CENPN: variants seen among roughly 807,000 people sequenced by gnomAD.
CENPN encodes centromere protein N, also known as interphase centromere complex protein 32.
CENPN carries 36 observed loss-of-function variants against 48.6 expected under a neutral mutation model. The ratio of observed to expected loss-of-function variants is 0.74; its 90% CI spans 0.57 to 0.98. The LOEUF is 0.98. CENPN is among the 50% of genes least tolerant of loss of function. The probability of loss-of-function intolerance (pLI) is 0.00; values close to 1 mark genes in which losing one functional copy is unlikely to be tolerated. For synonymous variants in CENPN, 166 were observed against 135.2 expected (o/e 1.23, Z -1.58); for missense variants, 439 against 399.2 (o/e 1.10, Z -0.85).
intron 8 of CENPN, among the ~76,000 whole-genome samples, 182 bp from the exon 9 acceptor site, chr16:81,026,344 C>A (rs1029302692): frequency 6.7e-6 from 1 of 150,106 alleles, no homozygotes; most frequent in African/African-American, 2.5e-5. Flanking sequence ...CTTTTATCAA[C>A]CTGTACTTCA....
At chr16:81,021,717 C>T (rs1970214712) in intron 6 of CENPN, among the ~76,000 whole-genome samples, 1 of 151,878 alleles carries the variant, frequency 6.6e-6, no homozygotes, top group Non-Finnish European at 1.5e-5. Context: ...GTGAGTACAC[C>T]TTGCCACAGG....
intron 1 of CENPN, 117 bp downstream of exon 1, chr16:81,007,394 G>A (rs1969465576): frequency 6.6e-6 from 1 of 152,326 alleles, no homozygotes; most frequent in African/African-American, 2.4e-5. Flanking sequence ...GTGAGGCGCA[G>A]GATTGGCGCT....
At chr16:81,008,212 T>C (rs1969547820) in intron 1 of CENPN, among the ~76,000 whole-genome samples, 3 of 152,314 alleles carry the variant, frequency 2.0e-5, no homozygotes, top group Admixed American at 2.0e-4. Flanking sequence ...CCAAATTTCT[T>C]TAGACTGGCG....
intron 5 of CENPN, among the ~76,000 whole-genome samples, chr16:81,018,090 C>A (rs917285531): frequency 1.3e-5 from 2 of 152,084 alleles, no homozygotes; most frequent in African/African-American, 4.8e-5. Context: ...GATGGAAATG[C>A]TCTGTATTGG....
rs984579610 is a variant in CENPN at position 81,030,158 on chromosome 16, G to A, written c.*1507G>A. 1 of 974,544 alleles carries A rather than the reference G, an allele frequency of 1.0e-6. No individual in the cohort carries two copies. The highest frequency in any genetic ancestry group is 4.8e-5 in the South Asian group (1 of 21,042). 60.4% of individuals were successfully genotyped at this position (974,544 alleles called of 1,614,324 possible). Reference sequence around the variant, plus strand: ...CTGGCCCTGCCCTTGTCACATGGGGGTTATTACAATTCAAGGTGACACTTG... The same window carrying A: ...CTGGCCCTGCCCTTGTCACATGGGGATTATTACAATTCAAGGTGACACTTG... On this transcript the variant is annotated 3_prime_UTR_variant, in exon 11 of 11. Transcript: ENST00000305850.
chr16:81,032,738 A>G (rs1283110571), downstream of CENPN: 6 of 1,570,124 alleles, frequency 3.8e-6, no homozygotes, highest in Non-Finnish European at 5.2e-6. Context: ...GGTTAATCAA[A>G]TGTATGTCTC....
At chr16:81,024,845 T>G (rs1288522867) in intron 8 of CENPN, 67 bp downstream of exon 8, 5 of 1,027,428 alleles carry the variant, frequency 4.9e-6, no homozygotes, top group Non-Finnish European at 7.4e-6. Flanking sequence ...TTCTTTCACT[T>G]GGTAAAACGT....
At position 81,028,856 on chromosome 16, in the gene CENPN, G is replaced by C; in HGVS notation, c.*205G>C. On this transcript the variant is annotated 3_prime_UTR_variant, in exon 11 of 11. Coordinates refer to ENST00000305850, the MANE Select transcript of CENPN (RefSeq NM_001100624.3). ...TCTCTCTGATATCCTGCTAACTGTAGCCGTTGTGGCATTTGAGATGACAGG... is the reference window on the plus strand; with the variant it reads ...TCTCTCTGATATCCTGCTAACTGTACCCGTTGTGGCATTTGAGATGACAGG... 1 of 1,327,268 alleles carries C rather than the reference G, an allele frequency of 7.5e-7. No homozygotes were observed. The highest frequency in any genetic ancestry group is 9.6e-7 in the Non-Finnish European group (1 of 1,043,094). 82.2% of individuals were successfully genotyped at this position (1,327,268 alleles called of 1,614,324 possible).
At chr16:81,019,876 CAA>C (rs59491925) in intron 5 of CENPN, among the ~76,000 whole-genome samples, 8 of 124,472 alleles carry the variant, frequency 6.4e-5, no homozygotes, top group Non-Finnish European at 5.1e-5. Flanking sequence ...GACCTAGTCT[CAA>C]AAAAAAAAAA....
intron 3 of CENPN, among the ~76,000 whole-genome samples, chr16:81,016,287 G>A (rs540848089): frequency 1.3e-5 from 2 of 152,274 alleles, no homozygotes; most frequent in African/African-American, 2.4e-5. Flanking sequence ...TTGAGCCCGC[G>A]AGTTCAAGTC....
In CENPN at chr16:81,029,777, G is replaced by A. The variant is rs1011854552; in HGVS notation, c.*1126G>A. The stretch of plus-strand genomic sequence containing the variant: ...TTTAGTAGAGACAGGGTTTCTCCAT[G>A]TTGCCCAGGCTGATCTCAAACTCCT... On this transcript the variant is annotated 3_prime_UTR_variant, in exon 11 of 11. Transcript: ENST00000305850. 2.0e-5 allele frequency among the ~76,000 whole-genome samples: 3 copies of A among 152,076 alleles called. No individual in the cohort carries two copies. The highest frequency in any genetic ancestry group is 2.1e-4 in the South Asian group (1 of 4,830).
chr16:81,019,599 C>G lies in CENPN; in HGVS notation c.355-501C>G, dbSNP rs374450377. Among the ~76,000 whole-genome samples the G allele has an allele frequency of 7.2e-5, 11 of 152,184 alleles. No homozygotes were observed. The East Asian group carries it at 1.5e-3, about 21-fold the overall frequency. ...ATGCTAAGAAGGCTTCATTATAAAA[C>G]AAGTATCTCATTTGTAAGGCTGCCT... is the stretch of plus-strand genomic sequence containing the variant. On this transcript the variant is annotated intron_variant, in intron 5 of 10. Transcript: ENST00000305850.
rs530412757 is a variant in CENPN, at chr16:81,028,939, G to C, written c.*288G>C. 2.8e-4 allele frequency: 305 copies of C among 1,086,698 alleles called. No homozygotes were observed. Among genetic ancestry groups the C allele is most frequent in the Non-Finnish European group, 3.0e-4 (268 of 895,906 alleles). 67.3% of individuals were successfully genotyped at this position (1,086,698 alleles called of 1,614,324 possible). A position where few individuals can be genotyped will look rare whatever the true frequency, so the allele number is the denominator to read the frequency against. On this transcript the variant is annotated 3_prime_UTR_variant, in exon 11 of 11. Coordinates refer to ENST00000305850, the MANE Select transcript of CENPN (RefSeq NM_001100624.3). ...GAGTGCCTGAATGCTCTGAAATCAAGCATATGGCACAGCGCTCAAGACTTT... is the reference window on the plus strand; with the variant it reads ...GAGTGCCTGAATGCTCTGAAATCAACCATATGGCACAGCGCTCAAGACTTT...
At position 81,022,904 on chromosome 16, in the gene CENPN, C is replaced by T. The variant is rs564079742; in HGVS notation, c.633+206C>T. The stretch of plus-strand genomic sequence containing the variant: ...TTTATAATTGTATTGTGTTTTATAC[C>T]ACTCATTAGTCACTGGAGTCTGTGT... On this transcript the variant is annotated intron_variant, in intron 7 of 10. Coordinates refer to ENST00000305850, the MANE Select transcript of CENPN (RefSeq NM_001100624.3). 9.4e-6 allele frequency: 15 copies of T among 1,593,066 alleles called. No individual in the cohort carries two copies. The South Asian group carries it at 1.6e-4, about 17-fold the overall frequency.
intron 1 of CENPN, among the ~76,000 whole-genome samples, chr16:81,010,750 T>C (rs1969704629): frequency 6.6e-6 from 1 of 152,212 alleles, no homozygotes; most frequent in Non-Finnish European, 1.5e-5. Context: ...AATAGTAACT[T>C]TGTCTTTTAG....
chr16:81,028,813 C>G lies in CENPN; in HGVS notation c.*162C>G. 7.1e-7 allele frequency: 1 copy of G among 1,403,504 alleles called. No homozygotes were observed. Among genetic ancestry groups the G allele is most frequent in the Admixed American group, 3.2e-5 (1 of 30,826 alleles). The allele number at this position is 1,403,504 out of a possible 1,614,324, so 86.9% of individuals were successfully genotyped here. A position where few individuals can be genotyped will look rare whatever the true frequency, so the allele number is the denominator to read the frequency against. On this transcript the variant is annotated 3_prime_UTR_variant, in exon 11 of 11. Coordinates refer to ENST00000305850, the MANE Select transcript of CENPN (RefSeq NM_001100624.3). ...ACATAATTGTTGGGACTGATTCATT[C>G]CTCCACGATATGCCTCCTCTCTCTG...
At chr16:81,015,186 C>A (rs1395295077) in intron 3 of CENPN, among the ~76,000 whole-genome samples, 1 of 152,258 alleles carries the variant, frequency 6.6e-6, no homozygotes, top group Non-Finnish European at 1.5e-5. Context: ...CTCCTCCCTT[C>A]CATTTCATTG....
chr16:81,013,994 G>A (rs574255789), intron 2 of CENPN, 142 bp from the exon 3 acceptor site: 4 of 563,278 alleles, frequency 7.1e-6, no homozygotes, highest in Admixed American at 5.3e-5. Flanking sequence ...TTGGTTAACA[G>A]GAGAAGAGAT....
intron 8 of CENPN, among the ~76,000 whole-genome samples, chr16:81,025,224 C>G (rs937668274): frequency 6.6e-6 from 1 of 152,190 alleles, no homozygotes; most frequent in South Asian, 2.1e-4. Flanking sequence ...ATCTGGAGCC[C>G]ATGCTCTTAA....
Sources: allele counts gnomAD v4.1 joint callset (sites outside exome capture counted in the v4.1 genomes callset), GRCh38; gene constraint gnomAD v4.1.1; transcripts MANE v1.5; gene names NCBI Gene and HGNC (gene_info 2026-07-23, HGNC 2026-07-21).